KHDRBS2: variants seen among roughly 807,000 people sequenced by gnomAD.
KHDRBS2 encodes KH domain-containing, RNA-binding, signal transduction-associated protein 2.
KHDRBS2 carries 26 observed loss-of-function variants against 44.3 expected under a neutral mutation model. The observed-to-expected ratio is 0.59, with a 90% CI of 0.43 to 0.81. The LOEUF is 0.81. KHDRBS2 is among the 40% of genes least tolerant of loss of function. KHDRBS2 has a pLI of 0.00. For synonymous variants in KHDRBS2, 194 were observed against 151.1 expected, an observed-to-expected ratio of 1.28 and a Z score of -2.08; for missense variants, 476 against 433.1, an observed-to-expected ratio of 1.10 and a Z score of -0.88.
rs1766235305 is a variant in KHDRBS2 at position 61,681,029 on chromosome 6, G to A, written c.984C>T (p.Ser328=). 3 of 1,611,742 alleles carry A rather than the reference G, an allele frequency of 1.9e-6. No individual in the cohort carries two copies. The highest frequency in any genetic ancestry group is 1.3e-5 in the African/African-American group (1 of 74,726). ...CTGACCTTTGCGGTGGTGCCTTCAA[G>A]CTAGAGCGGGTTGTGGCCCATTCTT... ...APEEWATTRS[S]LKAPPQRSAR... Residue 328 remains serine (S), a synonymous_variant, in exon 9 of 9, where the codon AGC becomes AGT. Transcript: ENST00000281156.
chr6:61,762,773 T>A (rs1779463569), intron 6 of KHDRBS2, among the ~76,000 whole-genome samples: 1 of 152,162 alleles, frequency 6.6e-6, no homozygotes, highest in Admixed American at 6.5e-5. Flanking sequence ...TCACATTCAA[T>A]GTCAATATCC....
intron 4 of KHDRBS2, among the ~76,000 whole-genome samples, chr6:61,973,639 A>T (rs1195703636): frequency 6.6e-6 from 1 of 152,164 alleles, no homozygotes. Flanking sequence ...TCTTAAATTG[A>T]CTTAAAATCT....
chr6:62,007,955 T>C (rs1779568109), intron 3 of KHDRBS2, among the ~76,000 whole-genome samples: 1 of 152,120 alleles, frequency 6.6e-6, no homozygotes, highest in Non-Finnish European at 1.5e-5. Context: ...CAAGTACAAA[T>C]TGATTTCTGA....
At chr6:62,153,823 C>G (rs756032100) in intron 2 of KHDRBS2, among the ~76,000 whole-genome samples, 10 of 152,136 alleles carry the variant, frequency 6.6e-5, no homozygotes, top group Admixed American at 2.0e-4. Flanking sequence ...TTTGGCTCCC[C>G]TCAAAACTCT....
chr6:62,132,742 C>T lies in KHDRBS2; in HGVS notation c.219+44443G>A, dbSNP rs544712925. 3.9e-5 allele frequency among the ~76,000 whole-genome samples: 6 copies of T among 152,198 alleles called. No homozygotes were observed. The South Asian group carries it at 8.3e-4, about 21-fold the overall frequency. ...CATGGCATTATTATTTTCATTACAC[C>T]ATTGAGTGTAATATGTTTAAAAACT... On this transcript the variant is annotated intron_variant, in intron 2 of 8. Transcript: ENST00000281156.
chr6:61,991,546 T>A (rs1562596688), intron 3 of KHDRBS2, among the ~76,000 whole-genome samples: 1 of 152,136 alleles, frequency 6.6e-6, no homozygotes, highest in Non-Finnish European at 1.5e-5. Flanking sequence ...AATAAAGTAA[T>A]CTTCCCCCAG....
At chr6:62,017,135 T>C (rs1038323128) in intron 3 of KHDRBS2, among the ~76,000 whole-genome samples, 10 of 152,122 alleles carry the variant, frequency 6.6e-5, no homozygotes, top group African/African-American at 2.4e-4. Context: ...CAATAATATA[T>C]ACTACGTTCT....
At chr6:61,996,127 A>G (rs1251400109) in intron 3 of KHDRBS2, among the ~76,000 whole-genome samples, 1 of 152,210 alleles carries the variant, frequency 6.6e-6, no homozygotes. Flanking sequence ...TTTAAAAGCA[A>G]TATCATATTT....
chr6:62,027,400 G>A (rs1783563838), intron 3 of KHDRBS2, among the ~76,000 whole-genome samples: 2 of 152,004 alleles, frequency 1.3e-5, no homozygotes, highest in Non-Finnish European at 2.9e-5. Context: ...TTCTAGCATG[G>A]AGCTCTTAGA....
the KHDRBS2 span, among the ~76,000 whole-genome samples, chr6:61,550,766 CTTTTTT>C: frequency 8.5e-6 from 1 of 117,038 alleles, no homozygotes; most frequent in Non-Finnish European, 1.6e-5. Flanking sequence ...GAGATGGTAT[CTTTTTT>C]TTTTTTTTTT....
intron 6 of KHDRBS2, among the ~76,000 whole-genome samples, chr6:61,827,643 T>C (rs1230758963): frequency 6.6e-6 from 1 of 152,120 alleles, no homozygotes; most frequent in East Asian, 1.9e-4. Flanking sequence ...ACAACAGAAA[T>C]TAATTTTCTC....
At chr6:62,172,108 C>T (rs145967494) in intron 2 of KHDRBS2, among the ~76,000 whole-genome samples, 1 of 152,134 alleles carries the variant, frequency 6.6e-6, no homozygotes, top group African/African-American at 2.4e-5. Flanking sequence ...GGGTGAAATG[C>T]CCCAACTAAA....
chr6:61,958,139 C>T (rs1250068813), intron 4 of KHDRBS2, among the ~76,000 whole-genome samples: 3 of 152,128 alleles, frequency 2.0e-5, no homozygotes, highest in East Asian at 1.9e-4. Context: ...AACCATTTCC[C>T]TCTGTTCTCT....
At chr6:61,630,205 A>T in the KHDRBS2 span, 20 of 152,210 alleles carry the variant, frequency 1.3e-4, no homozygotes, top group Non-Finnish European at 2.1e-4. Context: ...GAGAAATGAG[A>T]CTAGTAGAAA....
chr6:61,606,478 C>T, the KHDRBS2 span, among the ~76,000 whole-genome samples: 1 of 151,692 alleles, frequency 6.6e-6, no homozygotes, highest in African/African-American at 2.4e-5. Flanking sequence ...GGAGAAAAGG[C>T]ATAAAAAATT....
At chr6:61,635,561 T>C in the KHDRBS2 span, among the ~76,000 whole-genome samples, 1 of 152,008 alleles carries the variant, frequency 6.6e-6, no homozygotes, top group East Asian at 1.9e-4. Flanking sequence ...TTGAATTTTG[T>C]CCTGCCCTAA....
At chr6:61,761,018 T>C (rs1417578518) in intron 6 of KHDRBS2, among the ~76,000 whole-genome samples, 1 of 152,216 alleles carries the variant, frequency 6.6e-6, no homozygotes, top group Non-Finnish European at 1.5e-5. Context: ...TGAAAGGTAT[T>C]GAAAATGAAA....
At chr6:61,957,050 C>T (rs1272816583) in intron 4 of KHDRBS2, among the ~76,000 whole-genome samples, 1 of 152,094 alleles carries the variant, frequency 6.6e-6, no homozygotes, top group Non-Finnish European at 1.5e-5. Flanking sequence ...CAAATTAATA[C>T]TTTTATAATT....
At chr6:61,548,297 T>C in the KHDRBS2 span, among the ~76,000 whole-genome samples, 5 of 152,080 alleles carry the variant, frequency 3.3e-5, no homozygotes, top group Admixed American at 1.3e-4. Context: ...GGGCTATATA[T>C]ATAGCAACAA....
Sources: allele counts gnomAD v4.1 joint callset (sites outside exome capture counted in the v4.1 genomes callset), GRCh38; gene constraint gnomAD v4.1.1; transcripts MANE v1.5; gene names NCBI Gene and HGNC (gene_info 2026-07-23, HGNC 2026-07-21).